The following ZFHX3 variants were observed in gnomAD, a reference collection of about 807,000 sequenced individuals.
The protein encoded by ZFHX3 is zinc finger homeobox 3.
Under a neutral mutation model 279.1 loss-of-function variants are expected in ZFHX3, and 42 were observed. The observed-to-expected ratio is 0.15, with a 90% CI of 0.12 to 0.19. The LOEUF (loss-of-function observed/expected upper bound fraction) is 0.19, where lower values mean the gene tolerates loss of function less well. ZFHX3 is among the 10% of genes least tolerant of loss of function. The pLI is 1.00. For synonymous variants in ZFHX3, 2,293 were observed against 1,957.8 expected (o/e 1.17, Z -4.52); for missense variants, 4,981 against 4,754.0 (o/e 1.05, Z -1.40).
intron 2 of ZFHX3, among the ~76,000 whole-genome samples, chr16:73,477,294 A>G (rs1040631495): frequency 5.3e-5 from 8 of 152,222 alleles, no homozygotes; most frequent in African/African-American, 1.2e-4. Flanking sequence ...ATATTGATAA[A>G]CATTTTTGTG....
chr16:73,890,760 G>C (rs962873437), intron 1 of ZFHX3, among the ~76,000 whole-genome samples: 2 of 152,030 alleles, frequency 1.3e-5, no homozygotes, highest in African/African-American at 4.8e-5. Flanking sequence ...TGACAGTAAA[G>C]GGTTTGCACT....
At chr16:72,944,647 A>G (rs778923868) in intron 3 of ZFHX3, among the ~76,000 whole-genome samples, 3 of 152,106 alleles carry the variant, frequency 2.0e-5, no homozygotes, top group Non-Finnish European at 4.4e-5. Context: ...TTATTCCTGG[A>G]TTTTTCCAAA....
At chr16:73,334,039 T>C (rs1332145794) in intron 3 of ZFHX3, among the ~76,000 whole-genome samples, 2 of 152,040 alleles carry the variant, frequency 1.3e-5, no homozygotes, top group African/African-American at 2.4e-5. Context: ...ATGTCCAGGA[T>C]GCAATCAGAC....
intron 2 of ZFHX3, among the ~76,000 whole-genome samples, chr16:73,612,388 C>T (rs2052256811): frequency 6.6e-6 from 1 of 152,162 alleles, no homozygotes; most frequent in Non-Finnish European, 1.5e-5. Context: ...CTGCCATGAC[C>T]TTAACTCCAG....
rs1240516127 is a variant in ZFHX3 at position 73,045,787 on chromosome 16, C to CAA, written c.-50+1963_-50+1964dup. ...TATTTCATAGAAAGTACAGCCATTT[C>CAA]AAAAAAAAAAAAAAAAGTGGGGGGG... is the stretch of plus-strand genomic sequence containing the variant. On this transcript the variant is annotated intron_variant, in intron 1 of 9. Transcript: ENST00000268489. 2.5e-3 allele frequency among the ~76,000 whole-genome samples: 107 copies of CAA among 42,858 alleles called. 3 individuals carry two copies. In the East Asian group the frequency reaches 0.055, roughly 22 times the overall value. The allele number at this position is 42,858 out of a possible 152,430, so 28.1% of individuals were successfully genotyped here. A position where few individuals can be genotyped will look rare whatever the true frequency, so the allele number is the denominator to read the frequency against.
intron 4 of ZFHX3, among the ~76,000 whole-genome samples, chr16:73,272,854 C>T (rs1307377952): frequency 6.6e-6 from 1 of 152,154 alleles, no homozygotes; most frequent in African/African-American, 2.4e-5. Context: ...TTAAGCAATC[C>T]TCCTGCCTTG....
At chr16:73,268,796 T>C (rs552351738) in intron 4 of ZFHX3, among the ~76,000 whole-genome samples, 1 of 152,138 alleles carries the variant, frequency 6.6e-6, no homozygotes, top group South Asian at 2.1e-4. Context: ...AGACTTGGAG[T>C]GCATCCTGGT....
At chr16:73,749,917 A>G (rs1194489996) in intron 1 of ZFHX3, among the ~76,000 whole-genome samples, 1 of 152,228 alleles carries the variant, frequency 6.6e-6, no homozygotes, top group East Asian at 1.9e-4. Flanking sequence ...AACCAGTGGT[A>G]AGTAACTGTC....
intron 5 of ZFHX3, among the ~76,000 whole-genome samples, chr16:72,828,462 C>G (rs749926805): frequency 2.6e-5 from 4 of 152,196 alleles, no homozygotes; most frequent in Non-Finnish European, 5.9e-5. Context: ...TCTCTCAACA[C>G]CAGTTTTTCC....
chr16:73,564,619 C>T (rs1397254731), intron 2 of ZFHX3, among the ~76,000 whole-genome samples: 1 of 152,142 alleles, frequency 6.6e-6, no homozygotes, highest in Non-Finnish European at 1.5e-5. Context: ...GGGCATAGCT[C>T]AGACCCAACA....
At chr16:73,606,874 C>T (rs1467121174) in intron 2 of ZFHX3, among the ~76,000 whole-genome samples, 2 of 152,120 alleles carry the variant, frequency 1.3e-5, no homozygotes, top group Non-Finnish European at 2.9e-5. Flanking sequence ...AGGATAACGG[C>T]TTCCAATTCT....
At chr16:73,469,136 C>T (rs2018619965) in intron 2 of ZFHX3, among the ~76,000 whole-genome samples, 1 of 152,180 alleles carries the variant, frequency 6.6e-6, no homozygotes, top group Non-Finnish European at 1.5e-5. Flanking sequence ...TTCCCACCAC[C>T]CAGCCCCTCG....
At chr16:73,517,350 T>C (rs2019540592) in intron 2 of ZFHX3, among the ~76,000 whole-genome samples, 1 of 152,230 alleles carries the variant, frequency 6.6e-6, no homozygotes, top group African/African-American at 2.4e-5. Flanking sequence ...GACTTGGCCA[T>C]TTCTACCTTC....
At chr16:73,397,490 G>A (rs7202921) in intron 3 of ZFHX3, among the ~76,000 whole-genome samples, 1,955 of 152,188 alleles carry the variant, frequency 0.013, 46 homozygotes, top group African/African-American at 0.044. Context: ...GAGAGAGGGA[G>A]AGAAGGAAAG....
chr16:73,378,330 G>A (rs1368967838), intron 3 of ZFHX3, among the ~76,000 whole-genome samples: 1 of 152,096 alleles, frequency 6.6e-6, no homozygotes, highest in East Asian at 1.9e-4. Flanking sequence ...AACACATAAA[G>A]CTAATCATTC....
chr16:73,635,887 G>A (rs2052523076), intron 2 of ZFHX3, among the ~76,000 whole-genome samples: 1 of 152,104 alleles, frequency 6.6e-6, no homozygotes, highest in African/African-American at 2.4e-5. Flanking sequence ...TGGCATCTCT[G>A]TTTTCTGGAT....
chr16:73,321,877 A>C (rs2015582018), intron 3 of ZFHX3, among the ~76,000 whole-genome samples: 1 of 151,900 alleles, frequency 6.6e-6, no homozygotes, highest in Non-Finnish European at 1.5e-5. Context: ...TTGAGAGAGA[A>C]AGAGGGAAAC....
At chr16:72,850,923 G>C (rs1451662191) in intron 4 of ZFHX3, among the ~76,000 whole-genome samples, 1 of 152,110 alleles carries the variant, frequency 6.6e-6, no homozygotes, top group Admixed American at 6.6e-5. Flanking sequence ...AAACTGGTGG[G>C]AAGCAGATGG....
intron 1 of ZFHX3, among the ~76,000 whole-genome samples, chr16:73,685,122 C>T (rs1197267950): frequency 6.6e-6 from 1 of 152,082 alleles, no homozygotes; most frequent in South Asian, 2.1e-4. Flanking sequence ...TCAAGTGATT[C>T]CCTTGCCTCA....
Sources: allele counts gnomAD v4.1 joint callset (sites outside exome capture counted in the v4.1 genomes callset), GRCh38; gene constraint gnomAD v4.1.1; transcripts MANE v1.5; gene names NCBI Gene and HGNC (gene_info 2026-07-23, HGNC 2026-07-21).